PRKN: variants seen among roughly 807,000 people sequenced by gnomAD.
PRKN encodes E3 ubiquitin-protein ligase parkin.
Under a neutral mutation model 59.5 loss-of-function variants are expected in PRKN, and 56 were observed. The ratio of observed to expected loss-of-function variants is 0.94; its 90% CI spans 0.76 to 1.18. The LOEUF (loss-of-function observed/expected upper bound fraction) is 1.18, where lower values mean the gene tolerates loss of function less well. Ranked by LOEUF, PRKN falls within the 50% of genes most tolerant of loss-of-function variation. The pLI is 0.00. For missense variants in PRKN, 657 were observed against 596.4 expected, an observed-to-expected ratio of 1.10 and a Z score of -1.06; for synonymous variants, 250 against 222.1, an observed-to-expected ratio of 1.13 and a Z score of -1.12.
At chr6:162,354,372 T>A (rs187117877) in intron 2 of PRKN, among the ~76,000 whole-genome samples, 1 of 152,214 alleles carries the variant, frequency 6.6e-6, no homozygotes, top group East Asian at 1.9e-4. Flanking sequence ...CACAAAGCAG[T>A]CTCTTGATTA....
chr6:162,083,467 G>A (rs1779139329), intron 4 of PRKN, among the ~76,000 whole-genome samples: 2 of 152,010 alleles, frequency 1.3e-5, no homozygotes, highest in African/African-American at 4.8e-5. Flanking sequence ...ATAAAGTGAG[G>A]TGCGCCTGTA....
chr6:162,457,844 G>A (rs1790953481), intron 1 of PRKN, among the ~76,000 whole-genome samples: 1 of 152,094 alleles, frequency 6.6e-6, no homozygotes, highest in Admixed American at 6.5e-5. Context: ...TTTGTGGCCG[G>A]GCGTGGTGGC....
intron 7 of PRKN, among the ~76,000 whole-genome samples, chr6:161,648,145 T>G (rs1784023985): frequency 6.6e-6 from 1 of 152,254 alleles, no homozygotes; most frequent in Non-Finnish European, 1.5e-5. Flanking sequence ...AAAGATCTGA[T>G]AGCCTTGAGA....
In PRKN at chr6:162,509,925, C is replaced by T. The variant is rs959608915; in HGVS notation, c.8-66452G>A. 9.9e-5 allele frequency among the ~76,000 whole-genome samples: 15 copies of T among 152,212 alleles called. No homozygotes were observed. In the East Asian group the frequency reaches 2.7e-3, roughly 27 times the overall value. ...GTGAATTATACAACTAGTTAATATA[C>T]AAAAGAAAATAGGCAACTCCCATTT... On this transcript the variant is annotated intron_variant, in intron 1 of 11. Coordinates refer to ENST00000366898, the MANE Select transcript of PRKN (RefSeq NM_004562.3).
At chr6:162,727,300 G>A in intron 1 of PRKN, 1 of 342,214 alleles carries the variant, frequency 2.9e-6, no homozygotes, top group Non-Finnish European at 5.3e-6. Context: ...AAGGTGAGGG[G>A]CGGCGGCGGG....
intron 9 of PRKN, among the ~76,000 whole-genome samples, chr6:161,531,638 T>A (rs556951809): frequency 6.6e-6 from 1 of 152,060 alleles, no homozygotes; most frequent in Non-Finnish European, 1.5e-5. Context: ...TGAGTGGACA[T>A]AGATATATAC....
intron 5 of PRKN, among the ~76,000 whole-genome samples, chr6:161,975,210 C>A (rs936518721): frequency 5.3e-5 from 8 of 151,828 alleles, no homozygotes; most frequent in Non-Finnish European, 1.2e-4. Flanking sequence ...CTCAGCCTCC[C>A]GAGTAGCTGG....
chr6:162,012,993 G>A (rs551857775), intron 5 of PRKN, among the ~76,000 whole-genome samples: 1 of 152,076 alleles, frequency 6.6e-6, no homozygotes, highest in Admixed American at 6.6e-5. Flanking sequence ...GGGCGACAAG[G>A]CTATGCAAAT....
At chr6:162,600,107 A>AC (rs753126687) in intron 1 of PRKN, among the ~76,000 whole-genome samples, 23 of 152,172 alleles carry the variant, frequency 1.5e-4, no homozygotes, top group Non-Finnish European at 2.8e-4. Context: ...TGCTTTCATC[A>AC]CCCCAATAGC....
At chr6:161,542,012 C>T (rs1401923376) in intron 9 of PRKN, among the ~76,000 whole-genome samples, 1 of 152,126 alleles carries the variant, frequency 6.6e-6, no homozygotes, top group Non-Finnish European at 1.5e-5. Flanking sequence ...TCCTCCTCTG[C>T]CACCTCGGTA....
intron 6 of PRKN, among the ~76,000 whole-genome samples, chr6:161,936,667 C>T (rs1024022147): frequency 6.6e-6 from 1 of 152,088 alleles, no homozygotes; most frequent in African/African-American, 2.4e-5. Context: ...TCCTGCACCA[C>T]GAGAAAGCTC....
rs184579202 is a variant in PRKN, at chr6:162,438,177, T to C, written c.171+5133A>G. On this transcript the variant is annotated intron_variant, in intron 2 of 11. Coordinates refer to ENST00000366898, the MANE Select transcript of PRKN (RefSeq NM_004562.3). The stretch of plus-strand genomic sequence containing the variant: ...ACATTCTTAACTTGTCATGCTCTAC[T>C]GCAGTTGCTATTTTGTAGGTCAAGT... Among the ~76,000 whole-genome samples, 260 of 152,328 alleles carry C rather than the reference T, an allele frequency of 1.7e-3. 4 individuals carry two copies. In the South Asian group the frequency reaches 0.02, roughly 12 times the overall value.
chr6:162,033,220 CTG>C (rs1172446669), intron 5 of PRKN, among the ~76,000 whole-genome samples: 2 of 152,212 alleles, frequency 1.3e-5, no homozygotes, highest in African/African-American at 4.8e-5. Flanking sequence ...AGAAATATGA[CTG>C]GCTTTCACCC....
At chr6:161,831,100 C>G (rs1015065504) in intron 6 of PRKN, among the ~76,000 whole-genome samples, 15 of 152,200 alleles carry the variant, frequency 9.9e-5, no homozygotes, top group African/African-American at 3.6e-4. Flanking sequence ...CAAGAAAGAG[C>G]AGCTAACTGG....
chr6:162,183,610 G>C (rs1279987513), intron 4 of PRKN, among the ~76,000 whole-genome samples: 1 of 152,176 alleles, frequency 6.6e-6, no homozygotes, highest in Non-Finnish European at 1.5e-5. Context: ...CATCTTGGAA[G>C]GAATTCAATA....
chr6:162,427,447 G>A (rs1022922068), intron 2 of PRKN, among the ~76,000 whole-genome samples: 2 of 152,150 alleles, frequency 1.3e-5, no homozygotes, highest in Non-Finnish European at 2.9e-5. Flanking sequence ...AATCCATTGT[G>A]ATGTCACACA....
At chr6:162,612,881 C>T (rs775772853) in intron 1 of PRKN, among the ~76,000 whole-genome samples, 3 of 152,164 alleles carry the variant, frequency 2.0e-5, no homozygotes, top group Non-Finnish European at 4.4e-5. Flanking sequence ...TTTTATACTA[C>T]TGGATCATTC....
chr6:161,960,983 G>A (rs1276214760), intron 6 of PRKN, among the ~76,000 whole-genome samples: 1 of 152,118 alleles, frequency 6.6e-6, no homozygotes, highest in Non-Finnish European at 1.5e-5. Flanking sequence ...CAGTGGCTGT[G>A]GCACTGTAAA....
At chr6:162,338,781 G>T (rs1249081034) in intron 2 of PRKN, among the ~76,000 whole-genome samples, 1 of 151,050 alleles carries the variant, frequency 6.6e-6, no homozygotes, top group Non-Finnish European at 1.5e-5. Context: ...GTCTCCGCCC[G>T]GCCGCCATCC....
Sources: gnomAD v4.1 joint callset for allele counts (sites outside exome capture counted in the v4.1 genomes callset) on GRCh38, gnomAD v4.1.1 for gene constraint, MANE v1.5 for transcripts, NCBI Gene and HGNC (gene_info 2026-07-23, HGNC 2026-07-21) for gene names.